The following CSMD1 variants were observed in gnomAD, a reference collection of about 807,000 sequenced individuals.
The protein encoded by CSMD1 is CUB and Sushi multiple domains 1, also known as CUB and sushi domain-containing protein 1.
CSMD1 carries 213 observed loss-of-function variants against 417.5 expected under a neutral mutation model. That is an observed-to-expected ratio of 0.51 (90% CI 0.46 to 0.57). The LOEUF is 0.57. Among genes scored for constraint, CSMD1 ranks in the 20% least tolerant of loss-of-function variants. CSMD1 has a pLI of 0.00. For synonymous variants in CSMD1, 2,862 were observed against 1,736.8 expected (o/e 1.65, Z -16.11); for missense variants, 6,923 against 4,529.7 (o/e 1.53, Z -15.17).
Position 4,917,129 on chromosome 8 carries a change from G to A in CSMD1, c.85+77203C>T, listed in dbSNP as rs182995259. 2.4e-3 allele frequency among the ~76,000 whole-genome samples: 371 copies of A among 152,312 alleles called. 3 individuals are homozygous for A. Among genetic ancestry groups the A allele is most frequent in the African/African-American group, 8.3e-3 (346 of 41,560 alleles). On this transcript the variant is annotated intron_variant, in intron 1 of 69. Transcript: ENST00000635120. ...CAGTAAACTTACAGTCATGGTGGAA[G>A]GGAAAGGGAAAGTTGGCATGTCCTA...
intron 48 of CSMD1, among the ~76,000 whole-genome samples, chr8:3,089,872 G>C (rs1285125266): frequency 5.9e-5 from 9 of 152,084 alleles, no homozygotes; most frequent in Non-Finnish European, 1.3e-4. Flanking sequence ...GAAAGACGTA[G>C]AAATCATTGT....
chr8:3,799,475 C>G (rs62479737), intron 5 of CSMD1, among the ~76,000 whole-genome samples: 37,999 of 144,902 alleles, frequency 0.26, 5,563 homozygotes, highest in Middle Eastern at 0.34. Flanking sequence ...CAGTTCCCAC[C>G]TATAAGTGAG....
chr8:3,076,057 A>AAT (rs1369999803), intron 49 of CSMD1, among the ~76,000 whole-genome samples: 1 of 131,612 alleles, frequency 7.6e-6, no homozygotes, highest in Non-Finnish European at 1.7e-5. Context: ...TCTCAAAAAA[A>AAT]AGAAAAAAAA....
At chr8:3,573,414 C>T (rs903114243) in intron 10 of CSMD1, among the ~76,000 whole-genome samples, 5 of 152,282 alleles carry the variant, frequency 3.3e-5, no homozygotes, top group South Asian at 2.1e-4. Context: ...GGGTACAACA[C>T]GGCTCTAGCA....
chr8:4,445,074 A>G (rs1191489326), intron 2 of CSMD1, among the ~76,000 whole-genome samples: 1 of 152,188 alleles, frequency 6.6e-6, no homozygotes, highest in Non-Finnish European at 1.5e-5. Flanking sequence ...ACAAAACTAC[A>G]TGTTTAACAT....
intron 3 of CSMD1, among the ~76,000 whole-genome samples, chr8:4,323,096 C>T (rs938955420): frequency 2.0e-5 from 3 of 151,810 alleles, no homozygotes; most frequent in African/African-American, 4.8e-5. Context: ...ATGGAAAAAT[C>T]ATATGATTTT....
intron 11 of CSMD1, among the ~76,000 whole-genome samples, chr8:3,486,738 C>G (rs1818056912): frequency 6.6e-6 from 1 of 152,232 alleles, no homozygotes; most frequent in South Asian, 2.1e-4. Context: ...GCCCTCAAGA[C>G]ACATCCAATG....
In CSMD1 at chr8:3,844,345, G is replaced by T. The variant is rs143875309; in HGVS notation, c.819-90303C>A. Reference sequence around the variant, plus strand: ...TTTCAAGTCAATGACAATACTTCAGGAAGTCCCAGAAGTTCTATCTGGTAG... The same window carrying T: ...TTTCAAGTCAATGACAATACTTCAGTAAGTCCCAGAAGTTCTATCTGGTAG... On this transcript the variant is annotated intron_variant, in intron 5 of 69. Transcript: ENST00000635120. Among the ~76,000 whole-genome samples, 244 of 152,118 alleles carry T rather than the reference G, an allele frequency of 1.6e-3. 1 individual carries two copies. Among genetic ancestry groups the T allele is most frequent in the African/African-American group, 5.6e-3 (233 of 41,494 alleles).
At chr8:4,013,213 C>A (rs1230280352) in intron 4 of CSMD1, among the ~76,000 whole-genome samples, 1 of 152,074 alleles carries the variant, frequency 6.6e-6, no homozygotes, top group African/African-American at 2.4e-5. Flanking sequence ...CTCTGGGATC[C>A]TCCGGGACCT....
intron 3 of CSMD1, among the ~76,000 whole-genome samples, chr8:4,226,422 C>T (rs1362414312): frequency 6.6e-6 from 1 of 152,106 alleles, no homozygotes; most frequent in African/African-American, 2.4e-5. Flanking sequence ...ACATAACATG[C>T]AGAATTAATT....
intron 4 of CSMD1, among the ~76,000 whole-genome samples, chr8:4,010,780 A>T (rs1563315392): frequency 6.6e-6 from 1 of 152,142 alleles, no homozygotes; most frequent in Non-Finnish European, 1.5e-5. Flanking sequence ...CCTTGCATTT[A>T]CCATAACTCT....
At chr8:3,759,963 G>A (rs1041616023) in intron 5 of CSMD1, among the ~76,000 whole-genome samples, 1 of 150,494 alleles carries the variant, frequency 6.6e-6, no homozygotes, top group African/African-American at 2.4e-5. Flanking sequence ...ATCAACCAAT[G>A]TCTTCCCGCA....
chr8:3,437,429 A>G (rs1182290283), intron 12 of CSMD1, among the ~76,000 whole-genome samples: 2 of 152,172 alleles, frequency 1.3e-5, no homozygotes, highest in Non-Finnish European at 2.9e-5. Context: ...GCTGAATTAA[A>G]TGGGCTGTGT....
intron 18 of CSMD1, among the ~76,000 whole-genome samples, chr8:3,378,463 CA>C (rs1295190582): frequency 6.6e-6 from 1 of 152,118 alleles, no homozygotes; most frequent in Non-Finnish European, 1.5e-5. Flanking sequence ...AATTTCAGGC[CA>C]ATATCCCTGA....
chr8:3,000,338 T>C (rs1179161773), intron 52 of CSMD1, among the ~76,000 whole-genome samples: 1 of 151,818 alleles, frequency 6.6e-6, no homozygotes, highest in Non-Finnish European at 1.5e-5. Flanking sequence ...ATAAGTAATA[T>C]TTCTAATATG....
chr8:3,635,133 G>A (rs1796969596), intron 7 of CSMD1, among the ~76,000 whole-genome samples: 1 of 152,142 alleles, frequency 6.6e-6, no homozygotes, highest in Non-Finnish European at 1.5e-5. Context: ...GACTCAGTAA[G>A]TGGACGGTGA....
chr8:4,111,004 G>C (rs868719105), intron 3 of CSMD1, among the ~76,000 whole-genome samples: 5 of 152,180 alleles, frequency 3.3e-5, no homozygotes, highest in Middle Eastern at 3.4e-3. Flanking sequence ...CTCACTAAGA[G>C]ATGCCTGCAA....
At chr8:3,676,368 G>C (rs762490826) in intron 7 of CSMD1, among the ~76,000 whole-genome samples, 32 of 152,224 alleles carry the variant, frequency 2.1e-4, no homozygotes, top group Admixed American at 7.2e-4. Context: ...CAGGATTGTT[G>C]TCAAAACTAG....
intron 12 of CSMD1, among the ~76,000 whole-genome samples, chr8:3,454,904 T>TG (rs1816005973): frequency 6.6e-6 from 1 of 152,202 alleles, no homozygotes; most frequent in Admixed American, 6.5e-5. Flanking sequence ...TCCTGCAGAG[T>TG]GTTTTCCAAC....
Sources: allele counts gnomAD v4.1 joint callset (sites outside exome capture counted in the v4.1 genomes callset), GRCh38; gene constraint gnomAD v4.1.1; transcripts MANE v1.5; gene names NCBI Gene and HGNC (gene_info 2026-07-23, HGNC 2026-07-21).